Variants in PKNOX1 observed in about 807,000 individuals in gnomAD.
PKNOX1 encodes the protein homeobox protein PKNOX1.
Under a neutral mutation model 51.9 loss-of-function variants are expected in PKNOX1, and 15 were observed. That is an observed-to-expected ratio of 0.29 (90% CI 0.19 to 0.45). The LOEUF (loss-of-function observed/expected upper bound fraction) is 0.45, where lower values mean the gene tolerates loss of function less well. Among genes scored for constraint, PKNOX1 ranks in the 20% least tolerant of loss-of-function variants. The probability of loss-of-function intolerance (pLI) is 1.00; values close to 1 mark genes in which losing one functional copy is unlikely to be tolerated. For synonymous variants in PKNOX1, 219 were observed against 211.1 expected (o/e 1.04, Z -0.32); for missense variants, 462 against 547.5 (o/e 0.84, Z 1.56).
chr21:42,984,102 GTGTGTGT>G (rs1434329641), intron 1 of PKNOX1, among the ~76,000 whole-genome samples: 1 of 151,386 alleles, frequency 6.6e-6, no homozygotes, highest in East Asian at 1.9e-4. Context: ...GTGTGTGTGT[GTGTGTGT>G]TTTAAAGAGA....
rs9325621 is a variant in PKNOX1 at position 43,030,260 on chromosome 21, A to AGTGTGTGTGT, written c.*183_*192dup. On this transcript the variant is annotated 3_prime_UTR_variant, in exon 11 of 11. Transcript: ENST00000291547. ...TTTGCCGGTGCAGCGACTTCTTTCAAGTGTGTGTGTGTGTGTGTGTGTGTG... is the reference window on the plus strand; with the variant it reads ...TTTGCCGGTGCAGCGACTTCTTTCAAGTGTGTGTGTGTGTGTGTGTGTGTGTGTGTGTGTG... 1 of 457,572 alleles carries AGTGTGTGTGT rather than the reference A, an allele frequency of 2.2e-6. No individual in the cohort carries two copies. The highest frequency in any genetic ancestry group is 3.9e-6 in the Non-Finnish European group (1 of 255,564). 28.3% of individuals were successfully genotyped at this position (457,572 alleles called of 1,614,324 possible).
intron 4 of PKNOX1, 64 bp downstream of exon 4, chr21:43,010,288 T>C: frequency 1.0e-6 from 1 of 960,390 alleles, no homozygotes. Flanking sequence ...AATTTTAGGC[T>C]TCTAAGTAGA....
At position 43,004,392 on chromosome 21, in the gene PKNOX1, C is replaced by CA; in HGVS notation, c.12dup (p.Gln5ThrfsTer30). 1.2e-6 allele frequency: 2 copies of CA among 1,606,606 alleles called. No homozygotes were observed. The highest frequency in any genetic ancestry group is 1.7e-6 in the Non-Finnish European group (2 of 1,173,254). On this transcript the variant is annotated frameshift_variant, in exon 2 of 11. Transcript: ENST00000291547. LOFTEE classifies it high-confidence loss of function. ...AAACTCTGATGAACCATGATGGCTA[C>CA]ACAGACATTAAGTATAGACAGCTAT... is the stretch of plus-strand genomic sequence containing the variant.
chr21:42,984,981 T>C (rs1190626048), intron 1 of PKNOX1, among the ~76,000 whole-genome samples: 6 of 125,390 alleles, frequency 4.8e-5, no homozygotes, highest in Admixed American at 7.9e-5. Flanking sequence ...TTTCTTTTTT[T>C]TTTTTTTTTT....
At chr21:43,025,129 CT>C (rs1979935812) in intron 9 of PKNOX1, among the ~76,000 whole-genome samples, 182 bp downstream of exon 9, 1 of 152,168 alleles carries the variant, frequency 6.6e-6, no homozygotes, top group Non-Finnish European at 1.5e-5. Context: ...TCAAGTGATC[CT>C]CCCACCTCAG....
chr21:43,010,105 A>T lies in PKNOX1; in HGVS notation c.232A>T (p.Thr78Ser). Residue 78 changes from threonine (T) to serine (S), a missense_variant, in exon 4 of 11, where the codon ACA becomes TCA. By Grantham distance (58) the Thr-to-Ser change is moderately conservative (BLOSUM62 1). Around this residue, in one of 5 missense-constraint regions of PKNOX1, gnomAD observed 129 missense variants for 133.4 expected, o/e 0.97. Coordinates refer to ENST00000291547, the MANE Select transcript of PKNOX1 (RefSeq NM_004571.5). ...GTTGTTTGAAAAATGTGAACAATCT[A>T]CACAGGGCTCTGAAGGCACAACTTC... ...ALLFEKCEQSTQGSEGTTSAS... is the reference protein window; with the variant it reads ...ALLFEKCEQSSQGSEGTTSAS... 6.2e-7 allele frequency: 1 copy of T among 1,603,484 alleles called. No homozygotes were observed. The highest frequency in any genetic ancestry group is 1.1e-5 in the South Asian group (1 of 88,204).
chr21:43,018,278 A>G, intron 7 of PKNOX1, 48 bp downstream of exon 7: 5 of 1,170,726 alleles, frequency 4.3e-6, no homozygotes, highest in Non-Finnish European at 6.4e-6. Flanking sequence ...TGCTGCCCAC[A>G]TAGGGGCACA....
At chr21:43,017,468 C>T in intron 6 of PKNOX1, 1 of 153,066 alleles carries the variant, frequency 6.5e-6, no homozygotes, top group Non-Finnish European at 1.5e-5. Flanking sequence ...AAACACAAAG[C>T]ATCATGGAAA....
intron 5 of PKNOX1, among the ~76,000 whole-genome samples, chr21:43,013,977 T>TG (rs1407964197): frequency 1.3e-5 from 2 of 152,050 alleles, no homozygotes; most frequent in African/African-American, 2.4e-5. Flanking sequence ...ATACCCTCTG[T>TG]GTATTTTCTT....
intron 1 of PKNOX1, among the ~76,000 whole-genome samples, chr21:42,985,046 G>A (rs1374404390): frequency 7.3e-6 from 1 of 137,254 alleles, no homozygotes; most frequent in African/African-American, 2.8e-5. Context: ...GGACTGCAAT[G>A]GCACGATCTC....
intron 8 of PKNOX1, 164 bp from the exon 9 acceptor site, chr21:43,024,707 G>A: frequency 1.7e-6 from 1 of 601,584 alleles, no homozygotes; most frequent in Non-Finnish European, 3.0e-6. Context: ...CCTGGGACGA[G>A]GAGAAACACT....
rs1329134635 is a variant in PKNOX1, at chr21:43,031,651, G to T, written c.*1550G>T. 6.5e-6 allele frequency: 1 copy of T among 153,080 alleles called. No homozygotes were observed. Among genetic ancestry groups the T allele is most frequent in the Non-Finnish European group, 1.5e-5 (1 of 68,516 alleles). 9.5% of individuals were successfully genotyped at this position (153,080 alleles called of 1,614,324 possible). On this transcript the variant is annotated 3_prime_UTR_variant, in exon 11 of 11. Coordinates refer to ENST00000291547, the MANE Select transcript of PKNOX1 (RefSeq NM_004571.5). Reference sequence around the variant, plus strand: ...GAAGTTCATTTGTTTACAGGGTCGGGAATGTCTTCAGTTCTTGAGAGTCAA... The same window carrying T: ...GAAGTTCATTTGTTTACAGGGTCGGTAATGTCTTCAGTTCTTGAGAGTCAA...
intron 1 of PKNOX1, among the ~76,000 whole-genome samples, chr21:42,984,878 A>G (rs903250110): frequency 7.3e-6 from 1 of 137,872 alleles, no homozygotes; most frequent in Non-Finnish European, 1.6e-5. Flanking sequence ...TGCCAGTTCC[A>G]CAGTGCTGTG....
chr21:43,010,031 CT>C (rs771686010), intron 3 of PKNOX1, 21 bp from the exon 4 acceptor site: 25 of 1,491,206 alleles, frequency 1.7e-5, no homozygotes, highest in Middle Eastern at 1.8e-4. Context: ...TAAATGGATT[CT>C]TTTTTTTCTT....
intron 10 of PKNOX1, 94 bp from the exon 11 acceptor site, chr21:43,029,796 T>G: frequency 9.5e-7 from 1 of 1,049,368 alleles, no homozygotes; most frequent in Non-Finnish European, 1.4e-6. Flanking sequence ...TATTTTAACT[T>G]TAGGTCAAAC....
At chr21:43,027,973 G>A (rs538137501) in intron 9 of PKNOX1, among the ~76,000 whole-genome samples, 22 of 152,282 alleles carry the variant, frequency 1.4e-4, no homozygotes, top group Middle Eastern at 3.4e-3. Context: ...TGCTGCTCTC[G>A]TTCTCTGTGG....
intron 3 of PKNOX1, among the ~76,000 whole-genome samples, chr21:43,009,492 C>G (rs1008375244): frequency 4.0e-5 from 6 of 150,508 alleles, no homozygotes; most frequent in Non-Finnish European, 8.9e-5. Flanking sequence ...TGCCTGTAGT[C>G]CCGGCTACTT....
rs1030636862 is a variant in PKNOX1 at position 43,021,669 on chromosome 21, G to A, written c.849+238G>A. On this transcript the variant is annotated intron_variant, in intron 8 of 10. Coordinates refer to ENST00000291547, the MANE Select transcript of PKNOX1 (RefSeq NM_004571.5). This position sits in a 1 kb window ranked among gnomAD's most constrained non-coding sequence, Gnocchi z 4.6. ...ACATGTGAGGCGTACACGTGTGTCC[G>A]AGACAGCCCACCACGAAGGGTGATG... is the stretch of plus-strand genomic sequence containing the variant. 2.6e-5 allele frequency among the ~76,000 whole-genome samples: 4 copies of A among 152,210 alleles called. No homozygotes were observed. Among genetic ancestry groups the A allele is most frequent in the African/African-American group, 7.2e-5 (3 of 41,440 alleles).
In PKNOX1 at chr21:43,028,751, T is replaced by C. The variant is rs760448992; in HGVS notation, c.976T>C (p.Cys326Arg). 1 of 1,614,182 alleles carries C rather than the reference T, an allele frequency of 6.2e-7. No homozygotes were observed. Among genetic ancestry groups the C allele is most frequent in the Admixed American group, 1.7e-5 (1 of 60,028 alleles). The change falls in exon 10 of 11, where the codon TGT (cysteine) becomes CGT (arginine). Residue 326 changes from cysteine (C) to arginine (R), a missense_variant. By Grantham distance (180) the Cys-to-Arg change is radical (BLOSUM62 -3). This residue lies in a region of PKNOX1 where 75 missense variants were observed against 129.8 expected (regional missense o/e 0.58). Coordinates refer to ENST00000291547, the MANE Select transcript of PKNOX1 (RefSeq NM_004571.5). ...TCTTCAGCCAATGTTGGATTCAAGT[T>C]GTTCAGAGACCCCCAAAACAAAGAA... Reference protein sequence around the residue: ...RILQPMLDSSCSETPKTKKKT... With the variant: ...RILQPMLDSSRSETPKTKKKT...
Sources: allele counts gnomAD v4.1 joint callset (sites outside exome capture counted in the v4.1 genomes callset), GRCh38; gene constraint gnomAD v4.1.1; regional missense constraint gnomAD v4.1.1; non-coding constraint Gnocchi (gnomAD v3.1); transcripts MANE v1.5; gene names NCBI Gene and HGNC (gene_info 2026-07-23, HGNC 2026-07-21).